The following PKP4 variants were observed in gnomAD, a reference collection of about 807,000 sequenced individuals.
PKP4 encodes plakophilin 4.
In PKP4, 90 loss-of-function variants were observed where a neutral mutation model predicts 145.1. The ratio of observed to expected loss-of-function variants is 0.62; its 90% CI spans 0.52 to 0.74. The LOEUF (loss-of-function observed/expected upper bound fraction) is 0.74. PKP4 is among the 30% of genes least tolerant of loss of function. PKP4 has a pLI of 0.00. For missense variants in PKP4, 1,340 were observed against 1,482.7 expected (o/e 0.90, Z 1.58); for synonymous variants, 563 against 577.2 (o/e 0.98, Z 0.35).
intron 17 of PKP4, among the ~76,000 whole-genome samples, chr2:158,671,499 G>C (rs896424035): frequency 6.6e-6 from 1 of 152,186 alleles, no homozygotes; most frequent in African/African-American, 2.4e-5. Context: ...GCCAGTGCCA[G>C]AACCTTTCCA....
At chr2:158,530,096 C>A (rs771797420) in intron 1 of PKP4, among the ~76,000 whole-genome samples, 1 of 152,174 alleles carries the variant, frequency 6.6e-6, no homozygotes, top group Non-Finnish European at 1.5e-5. Flanking sequence ...ATATCATACA[C>A]GCCCCACTAG....
chr2:158,533,942 A>C (rs3755402), intron 2 of PKP4, among the ~76,000 whole-genome samples: 2 of 151,922 alleles, frequency 1.3e-5, no homozygotes, highest in African/African-American at 4.8e-5. Context: ...GGAATTCTGC[A>C]ATTTTAATTT....
At chr2:158,513,231 C>T (rs932963877) in intron 1 of PKP4, among the ~76,000 whole-genome samples, 3 of 152,122 alleles carry the variant, frequency 2.0e-5, no homozygotes, top group African/African-American at 7.2e-5. Context: ...TCTTAGTTTA[C>T]GTCCACCCAT....
rs554422931 is a variant in PKP4, at chr2:158,536,045, C to T, written c.132+2729C>T. On this transcript the variant is annotated intron_variant, in intron 2 of 21. Coordinates refer to ENST00000389759, the MANE Select transcript of PKP4 (RefSeq NM_003628.6). ...TGGCACTTAGTAAGGGCTAACATTA[C>T]GATTGTCATCATCATTTCTGCATAA... Among the ~76,000 whole-genome samples the T allele has an allele frequency of 3.3e-5, 5 of 152,262 alleles. No individual in the cohort carries two copies. The East Asian group carries it at 9.7e-4, about 29-fold the overall frequency.
At chr2:158,465,042 C>T (rs1030742278) in intron 1 of PKP4, among the ~76,000 whole-genome samples, 5 of 152,210 alleles carry the variant, frequency 3.3e-5, no homozygotes, top group Non-Finnish European at 7.4e-5. Flanking sequence ...AGATGACTTC[C>T]TCCAGGGATA....
chr2:158,516,440 A>G (rs1259413170), intron 1 of PKP4, among the ~76,000 whole-genome samples: 1 of 152,158 alleles, frequency 6.6e-6, no homozygotes, highest in Non-Finnish European at 1.5e-5. Context: ...ACACTTTGAG[A>G]ATTTTAAATT....
chr2:158,480,739 A>T (rs1328810093), intron 1 of PKP4, among the ~76,000 whole-genome samples: 6 of 152,148 alleles, frequency 3.9e-5, no homozygotes, highest in Non-Finnish European at 8.8e-5. Context: ...CCATAAATTC[A>T]CTCCTATAAA....
rs767341261 is a variant in PKP4, at chr2:158,625,283, T to A, written c.1009T>A (p.Ser337Thr). ...SPSQGQVGSS[S>T]PKRSGMTAVP... Reference sequence around the variant, plus strand: ...ATCCCAAGGCCAGGTGGGGTCGTCGTCCCCCAAACGCTCAGGGATGACCGC... The same window carrying A: ...ATCCCAAGGCCAGGTGGGGTCGTCGACCCCCAAACGCTCAGGGATGACCGC... Residue 337 changes from serine to threonine, a missense_variant, in exon 7 of 22, where the codon TCC becomes ACC. Transcript: ENST00000389759. 1 of 1,613,640 alleles carries A rather than the reference T, an allele frequency of 6.2e-7. No homozygotes were observed. The highest frequency in any genetic ancestry group is 1.1e-5 in the South Asian group (1 of 91,036).
rs1012910695 is a variant in PKP4, at chr2:158,530,410, A to G, written c.-5-2770A>G. Among the ~76,000 whole-genome samples the G allele has an allele frequency of 6.6e-5, 10 of 151,756 alleles. 1 individual carries two copies. The highest frequency in any genetic ancestry group is 8.8e-5 in the Non-Finnish European group (6 of 67,952). ...CTGTAAGCTTTCCCAGGTCTCCTGA[A>G]TGTGATCAGTCAAATCAAGCAAATT... On this transcript the variant is annotated intron_variant, in intron 1 of 21. Coordinates refer to ENST00000389759, the MANE Select transcript of PKP4 (RefSeq NM_003628.6).
intron 1 of PKP4, among the ~76,000 whole-genome samples, chr2:158,512,104 A>G (rs1167717567): frequency 3.9e-5 from 6 of 152,232 alleles, no homozygotes; most frequent in African/African-American, 1.2e-4. Flanking sequence ...GACTAGAAAC[A>G]CACAAACTAT....
At chr2:158,657,398 T>C (rs2056088669) in intron 11 of PKP4, among the ~76,000 whole-genome samples, 1 of 152,218 alleles carries the variant, frequency 6.6e-6, no homozygotes, top group African/African-American at 2.4e-5. Flanking sequence ...TATCCTGAAA[T>C]CTTGATATGA....
chr2:158,645,687 G>A (rs1306658682), intron 11 of PKP4, among the ~76,000 whole-genome samples: 1 of 152,182 alleles, frequency 6.6e-6, no homozygotes, highest in East Asian at 1.9e-4. Context: ...CATCCTTAAT[G>A]TGAAGCTTTT....
intron 3 of PKP4, among the ~76,000 whole-genome samples, chr2:158,589,312 G>A (rs184588837): frequency 7.9e-5 from 12 of 152,214 alleles, no homozygotes; most frequent in African/African-American, 2.6e-4. Context: ...CTAACATGAG[G>A]CTGACATTTT....
At position 158,658,236 on chromosome 2, in the gene PKP4, A is replaced by G. The variant is rs1210435339; in HGVS notation, c.2015A>G (p.Asn672Ser). Residue 672 changes from asparagine to serine, a missense_variant, in exon 12 of 22, where the codon AAT becomes AGT. By Grantham distance (46) the Asn-to-Ser change is conservative (BLOSUM62 1). Coordinates refer to ENST00000389759, the MANE Select transcript of PKP4 (RefSeq NM_003628.6). ...GTGATTGTTCCACATTCTGGATGGAATAACTCTTCTTTTGATGATGATCAT... is the reference window on the plus strand; with the variant it reads ...GTGATTGTTCCACATTCTGGATGGAGTAACTCTTCTTTTGATGATGATCAT... ...NTVIVPHSGW[N>S]NSSFDDDHKI... 6.2e-7 allele frequency: 1 copy of G among 1,602,502 alleles called. No individual in the cohort carries two copies. Among genetic ancestry groups the G allele is most frequent in the African/African-American group, 1.3e-5 (1 of 74,826 alleles).
rs755013270 is a variant in PKP4, at chr2:158,673,897, G to A, written c.3024G>A (p.Gln1008=). 21 of 1,608,222 alleles carry A rather than the reference G, an allele frequency of 1.3e-5. No individual in the cohort carries two copies. Among genetic ancestry groups the A allele is most frequent in the Non-Finnish European group, 1.4e-5 (16 of 1,174,730 alleles). The change falls in exon 19 of 22, where the codon CAG becomes CAA. Residue 1008 remains glutamine, a synonymous_variant. Transcript: ENST00000389759. The part of the protein sequence containing the change: ...RSIYKKDGWN[Q]NHFITPVSTL... ...TAACTCTGCAGGATGGGTGGAATCA[G>A]AACCATTTTATTACACCTGTGTCGA...
chr2:158,631,882 C>A lies in PKP4; in HGVS notation c.1283C>A (p.Pro428Gln), dbSNP rs776363537. The change falls in exon 8 of 22, where the codon CCA (proline) becomes CAA (glutamine). Residue 428 changes from proline (P) to glutamine (Q), a missense_variant. Transcript: ENST00000389759. Reference protein sequence around the residue: ...RTYYSPVYRSPNHGTVELQGS... With the variant: ...RTYYSPVYRSQNHGTVELQGS... ...TATTACAGCCCAGTGTACCGCAGCC[C>A]AAACCATGGAACTGTGGAGCTCCAA... 2 of 1,614,170 alleles carry A rather than the reference C, an allele frequency of 1.2e-6. No homozygotes were observed. The highest frequency in any genetic ancestry group is 3.3e-5 in the Admixed American group (2 of 60,026).
chr2:158,479,251 A>T (rs973716114), intron 1 of PKP4, among the ~76,000 whole-genome samples: 3 of 151,548 alleles, frequency 2.0e-5, no homozygotes, highest in African/African-American at 7.3e-5. Context: ...TCTTTTTTTG[A>T]TACAGGGTCT....
chr2:158,525,975 A>T (rs1284408183), intron 1 of PKP4, among the ~76,000 whole-genome samples: 1 of 151,328 alleles, frequency 6.6e-6, no homozygotes, highest in Non-Finnish European at 1.5e-5. Flanking sequence ...CAGGAGCTGA[A>T]ATTGTGGCAA....
intron 2 of PKP4, among the ~76,000 whole-genome samples, chr2:158,558,104 C>G: frequency 6.6e-6 from 1 of 152,128 alleles, no homozygotes; most frequent in East Asian, 1.9e-4. Flanking sequence ...CCATTCTTTC[C>G]CCTGTGCACC....
Sources: gnomAD v4.1 joint callset for allele counts (sites outside exome capture counted in the v4.1 genomes callset) on GRCh38, gnomAD v4.1.1 for gene constraint, MANE v1.5 for transcripts, NCBI Gene and HGNC (gene_info 2026-07-23, HGNC 2026-07-21) for gene names.